Variants in ERC2 observed in about 807,000 individuals in gnomAD.
ERC2 encodes the protein ELKS/RAB6-interacting/CAST family member 2.
A neutral mutation model predicts 114.8 loss-of-function variants in ERC2; 42 were observed. That is an observed-to-expected ratio of 0.37 (90% CI 0.29 to 0.47). The LOEUF is 0.47. Among genes scored for constraint, ERC2 ranks in the 20% least tolerant of loss-of-function variants. ERC2 has a pLI of 0.99. For missense variants in ERC2, 939 were observed against 1,150.7 expected (o/e 0.82, Z 2.66); for synonymous variants, 454 against 425.5 (o/e 1.07, Z -0.82).
intron 17 of ERC2, among the ~76,000 whole-genome samples, chr3:55,665,230 T>G (rs2061313309): frequency 6.6e-6 from 1 of 152,216 alleles, no homozygotes; most frequent in Non-Finnish European, 1.5e-5. Flanking sequence ...CTCTTTCCAC[T>G]GTTCTCAGGG....
intron 2 of ERC2, among the ~76,000 whole-genome samples, chr3:56,341,083 G>A (rs73832590): frequency 0.019 from 2,894 of 152,022 alleles, 99 homozygotes; most frequent in African/African-American, 0.062. Flanking sequence ...TAGATGAGTC[G>A]GTGTAAATCT....
At chr3:55,942,301 T>TTTTTTTTTTTTTTTTTTG (rs1559906638) in intron 13 of ERC2, among the ~76,000 whole-genome samples, 1 of 120,780 alleles carries the variant, frequency 8.3e-6, no homozygotes, top group African/African-American at 3.4e-5. Context: ...TTTTTTTTTT[T>TTTTTTTTTTTTTTTTTTG]TTGTTGAGAC....
At chr3:55,825,807 T>C (rs1032263855) in intron 14 of ERC2, among the ~76,000 whole-genome samples, 4 of 152,220 alleles carry the variant, frequency 2.6e-5, no homozygotes, top group African/African-American at 9.6e-5. Flanking sequence ...CTAGTATTAG[T>C]ATCATTATTG....
chr3:55,644,463 G>C (rs1387258019), intron 17 of ERC2, among the ~76,000 whole-genome samples: 25 of 152,080 alleles, frequency 1.6e-4, no homozygotes. Context: ...TGAAAAGTAG[G>C]ACCAAGCACT....
chr3:56,200,527 T>C (rs544170090), intron 3 of ERC2, among the ~76,000 whole-genome samples: 1 of 152,298 alleles, frequency 6.6e-6, no homozygotes, highest in South Asian at 2.1e-4. Flanking sequence ...TCCAAAGATG[T>C]GAGTCTAGAA....
At chr3:55,741,614 T>C (rs1189520381) in intron 14 of ERC2, among the ~76,000 whole-genome samples, 1 of 152,166 alleles carries the variant, frequency 6.6e-6, no homozygotes, top group Non-Finnish European at 1.5e-5. Context: ...GGAAAGTACA[T>C]ATATGCCCAT....
At chr3:56,157,573 G>A (rs182931605) in intron 4 of ERC2, among the ~76,000 whole-genome samples, 104 of 152,274 alleles carry the variant, frequency 6.8e-4, no homozygotes, top group African/African-American at 2.4e-3. Context: ...CTCTTCCAGT[G>A]TTCTTTAGGA....
chr3:55,766,398 G>A (rs754249295), intron 14 of ERC2, among the ~76,000 whole-genome samples: 1 of 151,750 alleles, frequency 6.6e-6, no homozygotes, highest in African/African-American at 2.4e-5. Context: ...TCGCTCTGTC[G>A]CCCAGGCTGG....
intron 15 of ERC2, among the ~76,000 whole-genome samples, chr3:55,722,534 T>G (rs1256425882): frequency 3.3e-5 from 5 of 152,198 alleles, no homozygotes; most frequent in Admixed American, 1.3e-4. Context: ...CCCATAGTAT[T>G]TATTATCGTG....
At chr3:56,430,653 G>A (rs2107328935) in intron 2 of ERC2, among the ~76,000 whole-genome samples, 1 of 152,228 alleles carries the variant, frequency 6.6e-6, no homozygotes, top group Non-Finnish European at 1.5e-5. Context: ...GCCAGACATG[G>A]TGACACACAC....
chr3:55,705,914 A>G (rs983152745), intron 15 of ERC2, among the ~76,000 whole-genome samples: 1 of 152,038 alleles, frequency 6.6e-6, no homozygotes, highest in African/African-American at 2.4e-5. Context: ...GGTCCCTCCT[A>G]TATTCTCTTG....
intron 15 of ERC2, among the ~76,000 whole-genome samples, chr3:55,729,452 G>C (rs2065111145): frequency 6.6e-6 from 1 of 152,078 alleles, no homozygotes; most frequent in African/African-American, 2.4e-5. Flanking sequence ...TGGAACTCCT[G>C]TTTTGCCTTA....
chr3:56,283,793 C>A (rs2054504995), intron 3 of ERC2, among the ~76,000 whole-genome samples: 3 of 152,074 alleles, frequency 2.0e-5, no homozygotes, highest in African/African-American at 7.2e-5. Context: ...TAAGGCTGGA[C>A]AAGCGGTACA....
intron 3 of ERC2, among the ~76,000 whole-genome samples, chr3:56,275,232 C>G (rs1188479304): frequency 6.6e-6 from 1 of 152,050 alleles, no homozygotes; most frequent in African/African-American, 2.4e-5. Context: ...TTTTTATGAC[C>G]TCCTCTGCTG....
chr3:56,074,110 T>C (rs1159217416), intron 7 of ERC2, among the ~76,000 whole-genome samples: 6 of 152,198 alleles, frequency 3.9e-5, no homozygotes, highest in Non-Finnish European at 8.8e-5. Flanking sequence ...AATTGTAGTT[T>C]AGCTAATCTG....
At chr3:55,995,163 T>G (rs1351316955) in intron 10 of ERC2, among the ~76,000 whole-genome samples, 5 of 152,142 alleles carry the variant, frequency 3.3e-5, no homozygotes, top group Non-Finnish European at 7.3e-5. Flanking sequence ...TAACACCCCA[T>G]CTCTACTAAA....
intron 2 of ERC2, among the ~76,000 whole-genome samples, chr3:56,333,822 A>AT (rs1238589771): frequency 6.6e-6 from 1 of 152,192 alleles, no homozygotes; most frequent in Non-Finnish European, 1.5e-5. Flanking sequence ...AGATGTGAGA[A>AT]TTTTTTAAAA....
intron 17 of ERC2, among the ~76,000 whole-genome samples, chr3:55,597,824 G>T (rs1392210212): frequency 6.6e-6 from 1 of 152,202 alleles, no homozygotes; most frequent in Non-Finnish European, 1.5e-5. Flanking sequence ...TATAGACCTT[G>T]CCCCTAGAAT....
At chr3:56,326,273 T>C (rs1342824281) in intron 2 of ERC2, among the ~76,000 whole-genome samples, 13 of 151,728 alleles carry the variant, frequency 8.6e-5, no homozygotes, top group Admixed American at 8.5e-4. Context: ...ACAGGAAGAG[T>C]GCGGAAAGCA....
Sources: allele counts gnomAD v4.1 joint callset (sites outside exome capture counted in the v4.1 genomes callset), GRCh38; gene constraint gnomAD v4.1.1; transcripts MANE v1.5; gene names NCBI Gene and HGNC (gene_info 2026-07-23, HGNC 2026-07-21).